ADGRE2: variants seen among roughly 807,000 people sequenced by gnomAD.
The protein encoded by ADGRE2 is adhesion G protein-coupled receptor E2, also known as CD97 antigen.
In ADGRE2, 83 loss-of-function variants were observed where a neutral mutation model predicts 100.8. The ratio of observed to expected loss-of-function variants is 0.82; its 90% CI spans 0.69 to 0.99. ADGRE2 has a LOEUF of 0.99. Ranked by LOEUF, ADGRE2 falls within the 50% of genes least tolerant of loss-of-function variation. The pLI, the probability that ADGRE2 is intolerant of heterozygous loss-of-function variation, is 0.00. For synonymous variants in ADGRE2, 355 were observed against 413.0 expected (o/e 0.86, Z 1.70); for missense variants, 814 against 1,035.7 (o/e 0.79, Z 2.94).
At chr19:14,744,996 TCTC>T (rs1302119107) in intron 18 of ADGRE2, among the ~76,000 whole-genome samples, 1 of 151,728 alleles carries the variant, frequency 6.6e-6, no homozygotes, top group African/African-American at 2.4e-5. Flanking sequence ...TTCAAACAAT[TCTC>T]CTGCCTCAGC....
chr19:14,766,137 C>T (rs765872090), intron 7 of ADGRE2, 98 bp downstream of exon 7: 78 of 1,578,756 alleles, frequency 4.9e-5, no homozygotes, highest in East Asian at 2.7e-4. Context: ...CACAGTCGGG[C>T]GCCTCCAGCG....
chr19:14,752,122 G>T (rs6511970), intron 15 of ADGRE2, among the ~76,000 whole-genome samples: 58,076 of 151,342 alleles, frequency 0.38, 12,727 homozygotes, highest in African/African-American at 0.59. Context: ...TAGTAGAGAC[G>T]GGGTTTCTCC....
chr19:14,752,315 A>G lies in ADGRE2; in HGVS notation c.1788+14T>C, dbSNP rs1309865652. The G allele has an allele frequency of 3.7e-6, 6 of 1,613,824 alleles. No homozygotes were observed. The highest frequency in any genetic ancestry group is 1.7e-5 in the Admixed American group (1 of 59,978). On this transcript the variant is annotated intron_variant, in intron 15 of 20. Coordinates refer to ENST00000315576, the MANE Select transcript of ADGRE2 (RefSeq NM_013447.4). The stretch of plus-strand genomic sequence containing the variant: ...GTCAAGGAAGGGAGCCCTCTGGAAC[A>G]CCGCTGTCAATACCTTGTGTCCGGT...
chr19:14,737,209 A>G (rs1411650687), intron 20 of ADGRE2, among the ~76,000 whole-genome samples: 2 of 149,936 alleles, frequency 1.3e-5, no homozygotes, highest in Non-Finnish European at 3.0e-5. Flanking sequence ...CTTTTTAGAG[A>G]CAGGGCCTTG....
At position 14,739,370 on chromosome 19, in the gene ADGRE2, C is replaced by T. The variant is rs1215617854; in HGVS notation, c.2464-3126G>A. 5.9e-5 allele frequency among the ~76,000 whole-genome samples: 9 copies of T among 152,272 alleles called. No individual in the cohort carries two copies. The South Asian group carries it at 1.9e-3, about 32-fold the overall frequency. ...GCAATGGATTTTCTTGGTCCTTTGTCAGTAGCTGGTAGAAATATCTGATCA... is the reference window on the plus strand; with the variant it reads ...GCAATGGATTTTCTTGGTCCTTTGTTAGTAGCTGGTAGAAATATCTGATCA... On this transcript the variant is annotated intron_variant, in intron 20 of 20. Coordinates refer to ENST00000315576, the MANE Select transcript of ADGRE2 (RefSeq NM_013447.4).
rs141539462 is a variant in ADGRE2 at position 14,766,290 on chromosome 19, C to T, written c.579G>A (p.Pro193=). Residue 193 remains proline, a synonymous_variant, in exon 7 of 21, where the codon CCG becomes CCA. Coordinates refer to ENST00000315576, the MANE Select transcript of ADGRE2 (RefSeq NM_013447.4). ...GGGACCCCGGAATCGGTTGCCAGCC[C>T]GGGCGGCAGCGGCACTGATAGCTGC... ...NVGSYQCRCR[P]GWQPIPGSPN... The T allele has an allele frequency of 3.7e-3, 5,918 of 1,613,766 alleles. 170 individuals carry two copies. The African/African-American group carries it at 0.067, about 18-fold the overall frequency.
intron 20 of ADGRE2, among the ~76,000 whole-genome samples, chr19:14,736,817 G>A (rs1425014011): frequency 7.1e-6 from 1 of 141,466 alleles, no homozygotes; most frequent in Non-Finnish European, 1.5e-5. Context: ...TAGATATTTA[G>A]AAATATATAG....
At chr19:14,757,513 C>T (rs548483044) in intron 11 of ADGRE2, among the ~76,000 whole-genome samples, 1 of 152,168 alleles carries the variant, frequency 6.6e-6, no homozygotes, top group Non-Finnish European at 1.5e-5. Context: ...CATAAGGACA[C>T]AACAGAATAG....
the ADGRE2 span, among the ~76,000 whole-genome samples, chr19:14,726,787 C>A: frequency 2.6e-5 from 4 of 152,158 alleles, no homozygotes; most frequent in African/African-American, 4.8e-5. Flanking sequence ...CTCAGCCTGA[C>A]CTTCACTGTC....
chr19:14,741,354 C>G (rs2042924274), intron 20 of ADGRE2: 1 of 151,978 alleles, frequency 6.6e-6, no homozygotes, highest in Non-Finnish European at 1.5e-5. Flanking sequence ...GCCTTGGCCT[C>G]CTGAAGTGCT....
chr19:14,740,962 C>T (rs1276421944), intron 20 of ADGRE2, among the ~76,000 whole-genome samples: 1 of 152,046 alleles, frequency 6.6e-6, no homozygotes, highest in Admixed American at 6.6e-5. Flanking sequence ...GTCTCCAACT[C>T]CTGGGCTCAA....
intron 16 of ADGRE2, among the ~76,000 whole-genome samples, chr19:14,748,607 G>A (rs539273534): frequency 2.0e-5 from 3 of 152,096 alleles, no homozygotes; most frequent in South Asian, 2.1e-4. Context: ...GCACCCGGCC[G>A]ATCTCCTTAT....
In ADGRE2 at chr19:14,734,674, A is replaced by C. The variant is rs2042718134; in HGVS notation, c.*1562T>G. ...ACTCCTGACCTTAGGTGATCTGACC[A>C]CCTCAGCCTCCCAAAGTGCTGGGAT... On this transcript the variant is annotated 3_prime_UTR_variant, in exon 21 of 21. Transcript: ENST00000315576. 6.6e-6 allele frequency: 1 copy of C among 152,178 alleles called. No homozygotes were observed. The highest frequency in any genetic ancestry group is 6.5e-5 in the Admixed American group (1 of 15,276). 9.4% of individuals were successfully genotyped at this position (152,178 alleles called of 1,614,324 possible).
chr19:14,766,859 TCCTTGA>T, intron 6 of ADGRE2, 113 bp downstream of exon 6: 2 of 1,187,184 alleles, frequency 1.7e-6, no homozygotes, highest in Non-Finnish European at 1.2e-6. Flanking sequence ...GCTTAGCAGG[TCCTTGA>T]CCTTGTGGGA....
In ADGRE2 at chr19:14,755,956, G is replaced by A. The variant is rs977329462; in HGVS notation, c.1193-79C>T. On this transcript the variant is annotated intron_variant, in intron 12 of 20. Transcript: ENST00000315576. Reference sequence around the variant, plus strand: ...CACCAGAGTTCCTCTGCCCTGCACAGAACTTTCTACTCAGATGGGCTACCT... The same window carrying A: ...CACCAGAGTTCCTCTGCCCTGCACAAAACTTTCTACTCAGATGGGCTACCT... 4.0e-6 allele frequency: 5 copies of A among 1,253,222 alleles called. No homozygotes were observed. The African/African-American group carries it at 7.5e-5, about 19-fold the overall frequency. 77.6% of individuals were successfully genotyped at this position (1,253,222 alleles called of 1,614,324 possible). A position where few individuals can be genotyped will look rare whatever the true frequency, so the allele number is the denominator to read the frequency against.
rs137988276 is a variant in ADGRE2, at chr19:14,763,161, G to A, written c.1084+1272C>T. 2.2e-3 allele frequency among the ~76,000 whole-genome samples: 337 copies of A among 152,066 alleles called. 3 individuals are homozygous for A. Among genetic ancestry groups the A allele is most frequent in the African/African-American group, 7.7e-3 (320 of 41,500 alleles). The stretch of plus-strand genomic sequence containing the variant: ...TCGAGAGACCATCCTGGCTAACACG[G>A]TGCAACCCCGTCTCTACTAAAAATA... On this transcript the variant is annotated intron_variant, in intron 11 of 20. Transcript: ENST00000315576.
intron 5 of ADGRE2, among the ~76,000 whole-genome samples, chr19:14,769,910 G>A (rs921563579): frequency 2.6e-5 from 4 of 152,120 alleles, no homozygotes; most frequent in African/African-American, 7.2e-5. Flanking sequence ...ATGTTAGCCA[G>A]GATGGTCTCG....
chr19:14,751,983 G>T (rs2043311046), intron 15 of ADGRE2, among the ~76,000 whole-genome samples: 1 of 149,256 alleles, frequency 6.7e-6, no homozygotes, highest in Admixed American at 6.8e-5. Flanking sequence ...GCCCAGGCTG[G>T]CATGCAATGG....
At position 14,752,473 on chromosome 19, in the gene ADGRE2, C is replaced by A; in HGVS notation, c.1644G>T (p.Leu548=). ...TGAGGGCCGCCAGGAGGAGGCACAG[C>A]AGAGAGACGCTCAGCCCCATGTAGG... ...VITYMGLSVS[L]LCLLLAALTF... The change falls in exon 15 of 21, where the codon CTG becomes CTT. Residue 548 remains leucine (L), a synonymous_variant. Transcript: ENST00000315576. 6.2e-7 allele frequency: 1 copy of A among 1,614,116 alleles called. No individual in the cohort carries two copies. Among genetic ancestry groups the A allele is most frequent in the Non-Finnish European group, 8.5e-7 (1 of 1,180,022 alleles).
Sources: gnomAD v4.1 joint callset for allele counts (sites outside exome capture counted in the v4.1 genomes callset) on GRCh38, gnomAD v4.1.1 for gene constraint, MANE v1.5 for transcripts, NCBI Gene and HGNC (gene_info 2026-07-23, HGNC 2026-07-21) for gene names.